The following RARB variants were observed in gnomAD, a reference collection of about 807,000 sequenced individuals.
The protein encoded by RARB is HBV-activated protein.
Under a neutral mutation model 51.9 loss-of-function variants are expected in RARB, and 17 were observed. The ratio of observed to expected loss-of-function variants is 0.33; its 90% CI spans 0.22 to 0.49. The LOEUF is 0.49. RARB is among the 20% of genes least tolerant of loss of function. The pLI is 0.99. For missense variants in RARB, 369 were observed against 550.8 expected, an observed-to-expected ratio of 0.67 and a Z score of 3.30; for synonymous variants, 215 against 195.4, an observed-to-expected ratio of 1.10 and a Z score of -0.84.
At chr3:25,493,866 A>G (rs1032196973) in intron 2 of RARB, among the ~76,000 whole-genome samples, 7 of 152,234 alleles carry the variant, frequency 4.6e-5, no homozygotes, top group African/African-American at 9.6e-5. Context: ...TAAACCTGAT[A>G]TCAATGGCTC....
intron 2 of RARB, among the ~76,000 whole-genome samples, chr3:25,489,426 T>C (rs945715561): frequency 1.3e-5 from 2 of 152,252 alleles, no homozygotes; most frequent in Admixed American, 6.5e-5. Flanking sequence ...AGTATTTTGG[T>C]TTAAATTTAC....
intron 5 of RARB, among the ~76,000 whole-genome samples, chr3:25,220,388 T>C (rs1456219354): frequency 6.6e-6 from 1 of 152,216 alleles, no homozygotes; most frequent in Non-Finnish European, 1.5e-5. Context: ...GGAGAAGGCA[T>C]GATATCAAAG....
chr3:25,200,803 C>G (rs1020675043), intron 5 of RARB, among the ~76,000 whole-genome samples: 8 of 152,058 alleles, frequency 5.3e-5, no homozygotes, highest in Admixed American at 1.3e-4. Flanking sequence ...TGATCTATAT[C>G]TCTGTTTTGG....
intron 2 of RARB, among the ~76,000 whole-genome samples, chr3:24,902,734 GAAAA>G (rs977918017): frequency 6.6e-6 from 1 of 151,570 alleles, no homozygotes; most frequent in Non-Finnish European, 1.5e-5. Context: ...TTTTGAAATG[GAAAA>G]AAAATGTTTC....
chr3:24,979,474 C>A (rs1341673365), intron 2 of RARB, among the ~76,000 whole-genome samples: 1 of 152,062 alleles, frequency 6.6e-6, no homozygotes, highest in Non-Finnish European at 1.5e-5. Context: ...TTGGATTGAT[C>A]CCTTTACCAT....
At chr3:25,196,668 C>G (rs926038319) in intron 5 of RARB, among the ~76,000 whole-genome samples, 8 of 152,134 alleles carry the variant, frequency 5.3e-5, no homozygotes, top group African/African-American at 1.9e-4. Flanking sequence ...AATGGTTGAA[C>G]TAGTTTACAG....
At chr3:24,916,498 C>CTACT (rs1378552884) in intron 2 of RARB, among the ~76,000 whole-genome samples, 1 of 152,206 alleles carries the variant, frequency 6.6e-6, no homozygotes, top group African/African-American at 2.4e-5. Context: ...TGGTTATTAC[C>CTACT]TACTCCCTCT....
intron 1 of RARB, among the ~76,000 whole-genome samples, chr3:24,853,754 A>G (rs1016652339): frequency 1.3e-5 from 2 of 152,222 alleles, no homozygotes; most frequent in Admixed American, 6.5e-5. Context: ...GATATCAGAC[A>G]TGTTTGAATT....
At chr3:24,968,211 A>T (rs911889898) in intron 2 of RARB, among the ~76,000 whole-genome samples, 3 of 152,160 alleles carry the variant, frequency 2.0e-5, no homozygotes, top group Non-Finnish European at 2.9e-5. Flanking sequence ...TGTAAATCTA[A>T]TGCCATCTGC....
intron 4 of RARB, among the ~76,000 whole-genome samples, chr3:25,141,225 T>A (rs1200230360): frequency 1.3e-5 from 2 of 152,098 alleles, no homozygotes; most frequent in Non-Finnish European, 2.9e-5. Flanking sequence ...TCATAAACGT[T>A]CTTAAAAGAT....
intron 4 of RARB, among the ~76,000 whole-genome samples, chr3:25,153,765 G>C (rs115864577): frequency 2.0e-4 from 30 of 152,242 alleles, no homozygotes; most frequent in African/African-American, 7.2e-4. Context: ...GAGATAACTT[G>C]CCCAGCCCTG....
intron 3 of RARB, among the ~76,000 whole-genome samples, chr3:25,130,796 T>C (rs1282730385): frequency 6.6e-6 from 1 of 151,800 alleles, no homozygotes; most frequent in East Asian, 1.9e-4. Flanking sequence ...ATACAGAAAC[T>C]GCTTGATCTG....
In RARB at chr3:25,366,008, T is replaced by G. The variant is rs114556037; in HGVS notation, c.179-95185T>G. On this transcript the variant is annotated intron_variant, in intron 5 of 11. Transcript: ENST00000383772. The stretch of plus-strand genomic sequence containing the variant: ...TAACCATTTTTTTAAAACACCACAC[T>G]TGTGCAAATATGAGCATCATTATGG... Among the ~76,000 whole-genome samples the G allele has an allele frequency of 2.5e-3, 379 of 152,322 alleles. 3 individuals carry two copies. Among genetic ancestry groups the G allele is most frequent in the African/African-American group, 8.8e-3 (365 of 41,568 alleles).
At chr3:25,152,146 C>A (rs1575184066) in intron 4 of RARB, among the ~76,000 whole-genome samples, 1 of 152,240 alleles carries the variant, frequency 6.6e-6, no homozygotes, top group South Asian at 2.1e-4. Flanking sequence ...AGCCAGAACA[C>A]CAGAAATCAT....
rs1698753366 is a variant in RARB at position 25,528,520 on chromosome 3, G to A, written c.448+27197G>A. 8.5e-5 allele frequency among the ~76,000 whole-genome samples: 13 copies of A among 152,098 alleles called. 1 individual carries two copies. In the South Asian group the frequency reaches 2.7e-3, roughly 32 times the overall value. ...CAGATGTTTCCCTCTTTCAGGCTTAGTGTCCTCTGGAGGAGGAGTAGAAGG... is the reference window on the plus strand; with the variant it reads ...CAGATGTTTCCCTCTTTCAGGCTTAATGTCCTCTGGAGGAGGAGTAGAAGG... On this transcript the variant is annotated intron_variant, in intron 3 of 7. Coordinates refer to ENST00000330688, the MANE Select transcript of RARB (RefSeq NM_000965.5).
intron 5 of RARB, among the ~76,000 whole-genome samples, chr3:25,190,333 A>G (rs943289683): frequency 1.3e-5 from 2 of 152,024 alleles, no homozygotes; most frequent in African/African-American, 4.8e-5. Flanking sequence ...CACTCAAGGG[A>G]GAGTATGGTT....
intron 4 of RARB, among the ~76,000 whole-genome samples, chr3:25,146,630 C>G (rs1021977658): frequency 2.0e-5 from 3 of 151,800 alleles, no homozygotes; most frequent in African/African-American, 7.3e-5. Context: ...GCCTCAGCCT[C>G]CCCAGTAGCT....
intron 4 of RARB, among the ~76,000 whole-genome samples, chr3:25,139,484 A>G (rs1700078479): frequency 6.6e-6 from 1 of 152,198 alleles, no homozygotes; most frequent in African/African-American, 2.4e-5. Flanking sequence ...AATCCAGAGC[A>G]AAGTCCTAAC....
intron 5 of RARB, among the ~76,000 whole-genome samples, chr3:25,341,736 G>T (rs1180515569): frequency 6.6e-6 from 1 of 152,090 alleles, no homozygotes; most frequent in East Asian, 1.9e-4. Context: ...TAGAGGTCAA[G>T]GGATGCCACT....
Sources: allele counts gnomAD v4.1 joint callset (sites outside exome capture counted in the v4.1 genomes callset), GRCh38; gene constraint gnomAD v4.1.1; transcripts MANE v1.5; gene names NCBI Gene and HGNC (gene_info 2026-07-23, HGNC 2026-07-21).